SH2D1A: variants seen among roughly 807,000 people sequenced by gnomAD.
SH2D1A encodes SH2 domain-containing protein 1A.
SH2D1A carries 6 observed loss-of-function variants against 10.1 expected under a neutral mutation model. That is an observed-to-expected ratio of 0.60 (90% CI 0.33 to 1.18). SH2D1A has a LOEUF of 1.18. Among genes scored for constraint, SH2D1A ranks in the 50% most tolerant of loss-of-function variants. The pLI is 0.04. For missense variants in SH2D1A, 51 were observed against 97.6 expected, an observed-to-expected ratio of 0.52 and a Z score of 2.01; for synonymous variants, 42 against 36.9, an observed-to-expected ratio of 1.14 and a Z score of -0.51.
intron 1 of SH2D1A, among the ~76,000 whole-genome samples, chrX:124,350,216 A>G (rs2060005213): frequency 2.1e-5 from 1 of 46,850 alleles, no homozygotes; most frequent in South Asian, 1.0e-3. Flanking sequence ...AAAATATATA[A>G]TATATAAATA....
At chrX:124,364,933 C>A (rs970655262) in intron 1 of SH2D1A, among the ~76,000 whole-genome samples, 2 of 110,771 alleles carry the variant, frequency 1.8e-5, no homozygotes, top group Non-Finnish European at 3.8e-5. Context: ...ACAGGTATAG[C>A]ATTCTTTATC....
At chrX:124,351,065 ATT>A (rs1322634681) in intron 1 of SH2D1A, among the ~76,000 whole-genome samples, 6 of 91,713 alleles carry the variant, frequency 6.5e-5, no homozygotes, top group East Asian at 3.2e-4. Context: ...ATAAATATAT[ATT>A]TTTATATATA....
chrX:124,348,955 C>T (rs971963314), intron 1 of SH2D1A, among the ~76,000 whole-genome samples: 72 of 112,159 alleles, frequency 6.4e-4, no homozygotes, highest in Non-Finnish European at 4.9e-4. Context: ...TGTATCCTAC[C>T]TTCTGCAAAA....
chrX:124,348,839 T>C (rs1161623620), intron 1 of SH2D1A, among the ~76,000 whole-genome samples: 1 of 112,161 alleles, frequency 8.9e-6, no homozygotes, highest in Non-Finnish European at 1.9e-5. Context: ...TGTTCTTTAC[T>C]GCAATAAACG....
chrX:124,363,917 GAAA>G (rs2060047229), intron 1 of SH2D1A, among the ~76,000 whole-genome samples: 4 of 60,548 alleles, frequency 6.6e-5, no homozygotes, highest in African/African-American at 2.4e-4. Flanking sequence ...AAAAAAAAAA[GAAA>G]GAAAAAGAAA....
rs140352929 is a variant in SH2D1A, at chrX:124,359,823, C to T, written c.138-5938C>T. Among the ~76,000 whole-genome samples the T allele has an allele frequency of 4.0e-3, 442 of 111,812 alleles. 4 individuals are homozygous for T. Among genetic ancestry groups the T allele is most frequent in the African/African-American group, 0.014 (426 of 30,776 alleles). On this transcript the variant is annotated intron_variant, in intron 1 of 3. Coordinates refer to ENST00000371139, the MANE Select transcript of SH2D1A (RefSeq NM_002351.5). ...TAAATTGACCTTTTGTTCAGTGTCA[C>T]GAATCAAGTAAATCTGAATAGTGTG...
chrX:124,362,826 A>G (rs1024949460), intron 1 of SH2D1A, among the ~76,000 whole-genome samples: 1 of 110,793 alleles, frequency 9.0e-6, no homozygotes, highest in Non-Finnish European at 1.9e-5. Context: ...GGGGTAATTA[A>G]GGTTAAATGA....
intron 1 of SH2D1A, among the ~76,000 whole-genome samples, chrX:124,362,813 TA>T (rs1017868354): frequency 4.5e-5 from 5 of 110,562 alleles, no homozygotes; most frequent in African/African-American, 1.6e-4. Flanking sequence ...TAATTGGAGA[TA>T]GGGGGTAATT....
rs190997950 is a variant in SH2D1A, at chrX:124,369,040, C to A, written c.202-1136C>A. Reference sequence around the variant, plus strand: ...ATATAGAGCTAAAAAGAATTTTTGTCATGTTTTCAATGAAAAATTACCCCA... The same window carrying A: ...ATATAGAGCTAAAAAGAATTTTTGTAATGTTTTCAATGAAAAATTACCCCA... On this transcript the variant is annotated intron_variant, in intron 2 of 3. Coordinates refer to ENST00000371139, the MANE Select transcript of SH2D1A (RefSeq NM_002351.5). Among the ~76,000 whole-genome samples the A allele has an allele frequency of 2.5e-3, 272 of 110,971 alleles. 2 individuals are homozygous for A. The highest frequency in any genetic ancestry group is 8.6e-3 in the African/African-American group (262 of 30,517).
At chrX:124,357,595 T>A (rs1011338288) in intron 1 of SH2D1A, among the ~76,000 whole-genome samples, 1 of 111,748 alleles carries the variant, frequency 8.9e-6, no homozygotes, top group East Asian at 2.8e-4. Flanking sequence ...CTGTACTAAT[T>A]TATATTCCCA....
intron 1 of SH2D1A, among the ~76,000 whole-genome samples, chrX:124,364,935 T>C (rs1256102720): frequency 1.8e-5 from 2 of 110,922 alleles, no homozygotes; most frequent in Non-Finnish European, 3.8e-5. Flanking sequence ...AGGTATAGCA[T>C]TCTTTATCTT....
intron 1 of SH2D1A, among the ~76,000 whole-genome samples, chrX:124,350,540 A>ATATATACTATATTATATATAGTATAT (rs1316904073): frequency 2.0e-3 from 97 of 48,411 alleles, no homozygotes; most frequent in Middle Eastern, 0.056. Flanking sequence ...ATAATATATA[A>ATATATACTATATTATATATAGTATAT]TATATACTAT....
In SH2D1A at chrX:124,371,536, C is replaced by A; in HGVS notation, c.*145C>A. On this transcript the variant is annotated 3_prime_UTR_variant, in exon 4 of 4. Transcript: ENST00000371139. ...GTAATGGAAGCATCTAGCATGTCGT[C>A]AAAGCTGAAATGGACTTTTGTACAT... 5.5e-6 allele frequency: 2 copies of A among 366,588 alleles called. No individual in the cohort carries two copies. Among genetic ancestry groups the A allele is most frequent in the Non-Finnish European group, 9.3e-6 (2 of 214,087 alleles). 30.2% of individuals were successfully genotyped at this position (366,588 alleles called of 1,213,427 possible). A position where few individuals can be genotyped will look rare whatever the true frequency, so the allele number is the denominator to read the frequency against.
chrX:124,347,983 T>C (rs2147520171), intron 1 of SH2D1A, among the ~76,000 whole-genome samples: 1 of 111,392 alleles, frequency 9.0e-6, no homozygotes, highest in East Asian at 2.8e-4. Flanking sequence ...CATCTGATAA[T>C]ACCCCACAAG....
chrX:124,360,596 C>A, intron 1 of SH2D1A, among the ~76,000 whole-genome samples: 1 of 71,414 alleles, frequency 1.4e-5, no homozygotes, highest in Non-Finnish European at 2.5e-5. Context: ...GAGCAAGACA[C>A]CATTAAAAAA....
chrX:124,346,793 G>A lies in SH2D1A; in HGVS notation c.137+14G>A, dbSNP rs1192516130. The A allele has an allele frequency of 1.7e-6, 2 of 1,210,212 alleles. No individual in the cohort carries two copies. Among genetic ancestry groups the A allele is most frequent in the African/African-American group, 1.7e-5 (1 of 57,831 alleles). ...CCTATGTGTGCTGTGAGTATGATAC[G>A]GTGGACATGGGCCTGCTGAGGGTGT... On this transcript the variant is annotated intron_variant, in intron 1 of 3. Transcript: ENST00000371139.
chrX:124,356,810 C>T (rs1341562289), intron 1 of SH2D1A, among the ~76,000 whole-genome samples: 1 of 111,987 alleles, frequency 8.9e-6, no homozygotes, highest in African/African-American at 3.2e-5. Flanking sequence ...TAATTTTGAA[C>T]CATTGTTTCT....
At chrX:124,358,916 G>A (rs938309576) in intron 1 of SH2D1A, among the ~76,000 whole-genome samples, 1 of 111,839 alleles carries the variant, frequency 8.9e-6, no homozygotes, top group Non-Finnish European at 1.9e-5. Flanking sequence ...TCCTGGGAAT[G>A]CAATTTGAGT....
At chrX:124,359,882 T>C (rs1039300845) in intron 1 of SH2D1A, among the ~76,000 whole-genome samples, 6 of 111,202 alleles carry the variant, frequency 5.4e-5, no homozygotes, top group Non-Finnish European at 9.4e-5. Flanking sequence ...AGGTAATCAG[T>C]TCTGATGCAT....
Sources: allele counts gnomAD v4.1 joint callset (sites outside exome capture counted in the v4.1 genomes callset), GRCh38; gene constraint gnomAD v4.1.1; transcripts MANE v1.5; gene names NCBI Gene and HGNC (gene_info 2026-07-23, HGNC 2026-07-21).